The following GPR107 variants were observed in gnomAD, a reference collection of about 807,000 sequenced individuals.
The protein encoded by GPR107 is protein GPR107.
GPR107 carries 31 observed loss-of-function variants against 75.5 expected under a neutral mutation model. That is an observed-to-expected ratio of 0.41 (90% CI 0.31 to 0.55). The LOEUF is 0.55. Among genes scored for constraint, GPR107 ranks in the 20% least tolerant of loss-of-function variants. GPR107 has a pLI of 0.26. For synonymous variants in GPR107, 267 were observed against 251.3 expected, an observed-to-expected ratio of 1.06 and a Z score of -0.59; for missense variants, 572 against 665.7, an observed-to-expected ratio of 0.86 and a Z score of 1.55.
chr9:130,069,607 C>T (rs1055251640), intron 1 of GPR107, among the ~76,000 whole-genome samples: 1 of 152,124 alleles, frequency 6.6e-6, no homozygotes, highest in Non-Finnish European at 1.5e-5. Flanking sequence ...TGACATGACA[C>T]GATAGCTTAA....
rs753443872 is a variant in GPR107, at chr9:130,099,519, T to C, written c.926T>C (p.Leu309Ser). Residue 309 changes from leucine to serine, a missense_variant, in exon 10 of 18, where the codon TTG becomes TCG. By Grantham distance (145) the Leu-to-Ser change is moderately radical (BLOSUM62 -2). Coordinates refer to ENST00000347136, the MANE Select transcript of GPR107 (RefSeq NM_020960.5). ...CTTCCTTTCACCAAGTCTCTTTCCT[T>C]GGTGTTCCATGCAGTATGTATTAGC... ...AALPFTKSLS[L>S]VFHAIDYHYI... is the part of the protein sequence containing the mutation. 2 of 1,588,328 alleles carry C rather than the reference T, an allele frequency of 1.3e-6. No individual in the cohort carries two copies. The highest frequency in any genetic ancestry group is 1.7e-5 in the Admixed American group (1 of 59,980).
intron 14 of GPR107, among the ~76,000 whole-genome samples, chr9:130,124,359 T>C (rs1456788300): frequency 6.6e-6 from 1 of 152,182 alleles, no homozygotes; most frequent in East Asian, 1.9e-4. Flanking sequence ...TGCATGAAGG[T>C]AGGATCCAGC....
Position 130,116,907 on chromosome 9 carries a change from A to G in GPR107, c.1307-8008A>G, listed in dbSNP as rs542787713. Among the ~76,000 whole-genome samples, 6 of 151,614 alleles carry G rather than the reference A, an allele frequency of 4.0e-5. No homozygotes were observed. In the South Asian group the frequency reaches 1.0e-3, roughly 26 times the overall value. ...TAACTGTTCAGTTTGATGACTTTTC[A>G]TATCTCCTGGGTCATTGCTTCAAAT... On this transcript the variant is annotated intron_variant, in intron 14 of 17. Coordinates refer to ENST00000347136, the MANE Select transcript of GPR107 (RefSeq NM_020960.5).
At chr9:130,097,072 G>A (rs146287863) in intron 9 of GPR107, among the ~76,000 whole-genome samples, 118 of 152,160 alleles carry the variant, frequency 7.8e-4, no homozygotes, top group African/African-American at 2.7e-3. Context: ...CTGTGGATCT[G>A]TGCAGCCTCC....
chr9:130,079,750 C>T lies in GPR107; in HGVS notation c.507C>T (p.Asn169=). The T allele has an allele frequency of 1.2e-6, 2 of 1,611,250 alleles. No individual in the cohort carries two copies. The highest frequency in any genetic ancestry group is 1.1e-5 in the South Asian group (1 of 90,670). The change falls in exon 5 of 18, where the codon AAC becomes AAT. Residue 169 remains asparagine (N), a synonymous_variant. Transcript: ENST00000347136. The part of the protein sequence containing the change: ...EPNVNPASAG[N]QTQKTQDGGK... The stretch of plus-strand genomic sequence containing the variant: ...ATGTTAACCCTGCTTCAGCAGGCAA[C>T]CAGACCCAGAAGACACAAGGTAAAC...
chr9:130,096,805 G>T (rs1830884465), intron 9 of GPR107, among the ~76,000 whole-genome samples: 1 of 152,136 alleles, frequency 6.6e-6, no homozygotes, highest in African/African-American at 2.4e-5. Flanking sequence ...CTGTTTACTG[G>T]TGTTGCATTT....
At chr9:130,056,924 CAAAAA>C (rs11442007) in intron 1 of GPR107, among the ~76,000 whole-genome samples, 19 of 42,892 alleles carry the variant, frequency 4.4e-4, no homozygotes, top group East Asian at 1.1e-3. Context: ...GACTCCTTCT[CAAAAA>C]AAAAAAAAAA....
At chr9:130,119,220 G>A (rs377568928) in intron 14 of GPR107, among the ~76,000 whole-genome samples, 2 of 152,120 alleles carry the variant, frequency 1.3e-5, no homozygotes, top group African/African-American at 4.8e-5. Context: ...ACCCCTGCTC[G>A]GCATCCTGAC....
At position 130,088,204 on chromosome 9, in the gene GPR107, G is replaced by A. The variant is rs188200504; in HGVS notation, c.621+1728G>A. 2.2e-4 allele frequency among the ~76,000 whole-genome samples: 33 copies of A among 152,232 alleles called. No homozygotes were observed. In the East Asian group the frequency reaches 5.0e-3, roughly 23 times the overall value. On this transcript the variant is annotated intron_variant, in intron 7 of 17. Transcript: ENST00000347136. ...GTGGTCTAGCCCCTGTTGTCTCTCT[G>A]ATCTCAGCTCCTGTTGTTCACACTC...
At position 130,112,083 on chromosome 9, in the gene GPR107, G is replaced by A. The variant is rs1267995869; in HGVS notation, c.1306+4544G>A. ...GTCATTACCTTATAGGACTGGCGTC[G>A]AGATACACACCGTAAATTTAATTAA... On this transcript the variant is annotated intron_variant, in intron 14 of 17. Transcript: ENST00000347136. This position sits in a 1 kb window ranked among gnomAD's most constrained non-coding sequence, Gnocchi z 4.0. 1.3e-5 allele frequency among the ~76,000 whole-genome samples: 2 copies of A among 152,148 alleles called. No individual in the cohort carries two copies. The highest frequency in any genetic ancestry group is 2.4e-5 in the African/African-American group (1 of 41,420).
intron 13 of GPR107, among the ~76,000 whole-genome samples, chr9:130,106,198 A>G (rs77552588): frequency 0.011 from 1,750 of 152,306 alleles, 24 homozygotes; most frequent in Non-Finnish European, 0.018. Flanking sequence ...GTTAATTACA[A>G]CACTAATGAG....
chr9:130,138,893 C>T lies in GPR107; in HGVS notation c.*3772C>T, dbSNP rs973174422. 2.0e-5 allele frequency: 3 copies of T among 152,186 alleles called. No individual in the cohort carries two copies. Among genetic ancestry groups the T allele is most frequent in the African/African-American group, 4.8e-5 (2 of 41,424 alleles). The allele number at this position is 152,186 out of a possible 1,614,324, so 9.4% of individuals were successfully genotyped here. A position where few individuals can be genotyped will look rare whatever the true frequency, so the allele number is the denominator to read the frequency against. On this transcript the variant is annotated 3_prime_UTR_variant, in exon 18 of 18. Transcript: ENST00000347136. The stretch of plus-strand genomic sequence containing the variant: ...GCAGATGCATTCTGGCCTTCTCCCC[C>T]GTCCTGAAACATTTTCTTTGAGGAA...
In GPR107 at chr9:130,127,209, T is replaced by G. The variant is rs543884435; in HGVS notation, c.1357-274T>G. ...TGTCTGTGGATAGGGTGAGGAAGGG[T>G]TAAGAACAACCTGACTAAAGTGTCT... On this transcript the variant is annotated intron_variant, in intron 15 of 17. Coordinates refer to ENST00000347136, the MANE Select transcript of GPR107 (RefSeq NM_020960.5). 2.0e-5 allele frequency among the ~76,000 whole-genome samples: 3 copies of G among 152,274 alleles called. No individual in the cohort carries two copies. The East Asian group carries it at 5.8e-4, about 29-fold the overall frequency.
intron 14 of GPR107, 101 bp downstream of exon 14, chr9:130,107,640 G>C: frequency 1.2e-6 from 1 of 834,046 alleles, no homozygotes; most frequent in Non-Finnish European, 2.1e-6. Context: ...TCAAGATGCT[G>C]TCTTCCTGGG....
intron 17 of GPR107, among the ~76,000 whole-genome samples, chr9:130,132,336 C>T (rs1376730610): frequency 1.3e-5 from 2 of 152,306 alleles, no homozygotes; most frequent in East Asian, 3.9e-4. Flanking sequence ...CCCAGGGCAG[C>T]CTGAGCAGGA....
chr9:130,071,942 C>A lies in GPR107; in HGVS notation c.142-3694C>A, dbSNP rs543051069. Reference sequence around the variant, plus strand: ...TCAGGTGATCCGTCCGCCGCGGCCTCCCAAAGTGCTGGGATTACAGGCGTA... The same window carrying A: ...TCAGGTGATCCGTCCGCCGCGGCCTACCAAAGTGCTGGGATTACAGGCGTA... On this transcript the variant is annotated intron_variant, in intron 1 of 17. Coordinates refer to ENST00000347136, the MANE Select transcript of GPR107 (RefSeq NM_020960.5). 3.0e-4 allele frequency among the ~76,000 whole-genome samples: 45 copies of A among 150,088 alleles called. No homozygotes were observed. The East Asian group carries it at 8.6e-3, about 29-fold the overall frequency.
Position 130,099,443 on chromosome 9 carries a change from C to T in GPR107, c.864-14C>T. 25 of 1,483,970 alleles carry T rather than the reference C, an allele frequency of 1.7e-5. No homozygotes were observed. The highest frequency in any genetic ancestry group is 2.4e-5 in the Non-Finnish European group (25 of 1,062,120). 91.9% of individuals were successfully genotyped at this position (1,483,970 alleles called of 1,614,324 possible). On this transcript the variant is annotated splice_polypyrimidine_tract_variant and intron_variant, in intron 9 of 17. Transcript: ENST00000347136. The stretch of plus-strand genomic sequence containing the variant: ...TGGAATCTTCCTTTAATTGTTTTCT[C>T]TCTGTTTTTATAGGAATGATGTATT...
intron 15 of GPR107, among the ~76,000 whole-genome samples, chr9:130,126,021 C>T (rs1288688463): frequency 6.7e-6 from 1 of 149,258 alleles, no homozygotes; most frequent in Admixed American, 6.7e-5. Flanking sequence ...AGTGCCACTG[C>T]ACTCCAGCCT....
rs71387314 is a variant in GPR107, at chr9:130,099,868, C to CTTTTTT, written c.939+375_939+380dup. ...GCCACCTGCTGACTTGTTTCCACGA[C>CTTTTTT]TTTTTTTTTTTTTTTTTTTTTTTTT... On this transcript the variant is annotated intron_variant, in intron 10 of 17. Transcript: ENST00000347136. Among the ~76,000 whole-genome samples the CTTTTTT allele has an allele frequency of 1.2e-4, 11 of 90,028 alleles. 1 individual carries two copies. The highest frequency in any genetic ancestry group is 6.3e-3 in the Middle Eastern group (1 of 158). The allele number at this position is 90,028 out of a possible 152,430, so 59.1% of individuals were successfully genotyped here.
Sources: gnomAD v4.1 joint callset for allele counts (sites outside exome capture counted in the v4.1 genomes callset) on GRCh38, gnomAD v4.1.1 for gene constraint, Gnocchi (gnomAD v3.1) non-coding constraint, MANE v1.5 for transcripts, NCBI Gene and HGNC (gene_info 2026-07-23, HGNC 2026-07-21) for gene names.